The following SPOCK3 variants were observed in gnomAD, a reference collection of about 807,000 sequenced individuals.
SPOCK3 encodes the protein SPARC (osteonectin), cwcv and kazal like domains proteoglycan 3, also known as testican-3.
Under a neutral mutation model 56.6 loss-of-function variants are expected in SPOCK3, and 30 were observed. The observed-to-expected ratio is 0.53, with a 90% confidence interval of 0.40 to 0.72. The LOEUF is 0.72. Ranked by LOEUF, SPOCK3 falls within the 30% of genes least tolerant of loss-of-function variation. The pLI is 0.00. For synonymous variants in SPOCK3, 196 were observed against 183.3 expected (o/e 1.07, Z -0.56); for missense variants, 527 against 530.0 (o/e 0.99, Z 0.06).
chr4:166,811,316 CT>C (rs748601791), intron 6 of SPOCK3, among the ~76,000 whole-genome samples: 36 of 147,140 alleles, frequency 2.4e-4, no homozygotes, highest in Middle Eastern at 3.5e-3. Context: ...CTCTACTCTT[CT>C]TTTTTTTTTA....
chr4:166,887,234 C>A (rs1414825122), intron 6 of SPOCK3, among the ~76,000 whole-genome samples: 1 of 152,146 alleles, frequency 6.6e-6, no homozygotes. Context: ...ATTAATACTA[C>A]ATCAGCAATA....
intron 4 of SPOCK3, among the ~76,000 whole-genome samples, chr4:166,978,583 T>C (rs1433754286): frequency 6.6e-6 from 1 of 152,214 alleles, no homozygotes; most frequent in Non-Finnish European, 1.5e-5. Flanking sequence ...CACCATGTTC[T>C]GAGCTTGGAG....
intron 6 of SPOCK3, among the ~76,000 whole-genome samples, chr4:166,841,948 C>T (rs898302721): frequency 5.3e-5 from 8 of 152,154 alleles, no homozygotes; most frequent in Non-Finnish European, 1.2e-4. Flanking sequence ...TTCTGATGTT[C>T]GGACATGTTT....
intron 3 of SPOCK3, among the ~76,000 whole-genome samples, chr4:167,060,042 C>T (rs1007950678): frequency 1.3e-5 from 2 of 150,880 alleles, no homozygotes; most frequent in Admixed American, 6.6e-5. Context: ...AGGAGATATA[C>T]CTAATGCTAA....
chr4:166,847,537 G>T (rs1187660662), intron 6 of SPOCK3, among the ~76,000 whole-genome samples: 1 of 150,906 alleles, frequency 6.6e-6, no homozygotes, highest in East Asian at 1.9e-4. Context: ...CAGCACTGGA[G>T]ATTATGCTCA....
intron 10 of SPOCK3, among the ~76,000 whole-genome samples, chr4:166,736,761 T>C (rs898612364): frequency 6.6e-6 from 1 of 151,930 alleles, no homozygotes; most frequent in African/African-American, 2.4e-5. Flanking sequence ...TCATGAAAAC[T>C]GTCTATAATA....
chr4:166,889,148 T>A lies in SPOCK3; in HGVS notation c.571A>T (p.Ser191Cys). 1.2e-6 allele frequency: 2 copies of A among 1,607,084 alleles called. No homozygotes were observed. Among genetic ancestry groups the A allele is most frequent in the Non-Finnish European group, 1.7e-6 (2 of 1,174,182 alleles). Reference sequence around the variant, plus strand: ...CACTTACCTCTCTTAACATTTCTGCTTGTACTGGTGGGCTTATCTGAAGGA... The same window carrying A: ...CACTTACCTCTCTTAACATTTCTGCATGTACTGGTGGGCTTATCTGAAGGA... ...PCPSDKPTST[S>C]RNVKRACSDL... Residue 191 changes from serine to cysteine, a missense_variant, in exon 6 of 11, where the codon AGC (serine) becomes TGC (cysteine). By Grantham distance (112) the Ser-to-Cys change is moderately radical. Coordinates refer to ENST00000357545, the MANE Select transcript of SPOCK3 (RefSeq NM_001040159.2).
At chr4:166,973,002 T>C (rs1182580765) in intron 4 of SPOCK3, among the ~76,000 whole-genome samples, 2 of 152,274 alleles carry the variant, frequency 1.3e-5, no homozygotes, top group Admixed American at 6.5e-5. Context: ...CGGCTCTGTT[T>C]ACCCACCGAA....
intron 7 of SPOCK3, among the ~76,000 whole-genome samples, chr4:166,764,279 G>GCA (rs1234830172): frequency 3.3e-5 from 5 of 152,022 alleles, no homozygotes; most frequent in African/African-American, 1.2e-4. Flanking sequence ...CCATGTTGGT[G>GCA]TGCGGCACCC....
chr4:166,839,830 G>A (rs1036235222), intron 6 of SPOCK3, among the ~76,000 whole-genome samples: 1 of 152,060 alleles, frequency 6.6e-6, no homozygotes, highest in Non-Finnish European at 1.5e-5. Context: ...CCATCATCCT[G>A]TCACTCAGAC....
chr4:166,931,659 A>G (rs1739799766), intron 4 of SPOCK3, among the ~76,000 whole-genome samples: 1 of 152,052 alleles, frequency 6.6e-6, no homozygotes, highest in South Asian at 2.1e-4. Flanking sequence ...ATCTACCTCC[A>G]TTTCATTGTT....
At chr4:166,990,315 A>C (rs972864733) in intron 4 of SPOCK3, among the ~76,000 whole-genome samples, 2 of 152,184 alleles carry the variant, frequency 1.3e-5, no homozygotes, top group Non-Finnish European at 2.9e-5. Context: ...GCCCAACAGT[A>C]AAAATGTTCT....
intron 2 of SPOCK3, among the ~76,000 whole-genome samples, chr4:167,129,202 A>G (rs1762520317): frequency 6.6e-6 from 1 of 152,212 alleles, no homozygotes; most frequent in Admixed American, 6.5e-5. Context: ...CCCCAGATCT[A>G]CTGAATAAGT....
At chr4:166,941,290 C>T (rs769062493) in intron 4 of SPOCK3, among the ~76,000 whole-genome samples, 3 of 152,074 alleles carry the variant, frequency 2.0e-5, no homozygotes, top group African/African-American at 7.2e-5. Context: ...GATCCTTTTC[C>T]GTCATGATTT....
intron 7 of SPOCK3, among the ~76,000 whole-genome samples, chr4:166,776,527 C>T (rs964112780): frequency 2.0e-5 from 3 of 152,124 alleles, no homozygotes; most frequent in African/African-American, 7.2e-5. Context: ...ATTCAATTAA[C>T]TCCTCATCTT....
At chr4:166,798,963 C>T (rs1742257274) in intron 6 of SPOCK3, among the ~76,000 whole-genome samples, 4 of 152,100 alleles carry the variant, frequency 2.6e-5, no homozygotes, top group Admixed American at 2.6e-4. Context: ...ACTCCCTATT[C>T]TGGAAACAAA....
intron 7 of SPOCK3, among the ~76,000 whole-genome samples, chr4:166,771,475 G>A (rs1479810782): frequency 6.6e-6 from 1 of 152,074 alleles, no homozygotes; most frequent in African/African-American, 2.4e-5. Context: ...AAGCAAGGTA[G>A]TGGTAGAACA....
At chr4:166,745,969 G>A (rs368437209) in intron 8 of SPOCK3, among the ~76,000 whole-genome samples, 1 of 152,146 alleles carries the variant, frequency 6.6e-6, no homozygotes, top group Non-Finnish European at 1.5e-5. Flanking sequence ...CAATACAGGA[G>A]CACCCAGATT....
intron 5 of SPOCK3, among the ~76,000 whole-genome samples, chr4:166,899,174 G>A (rs56851639): frequency 0.72 from 108,466 of 150,928 alleles, 39,259 homozygotes; most frequent in South Asian, 0.79. Context: ...TCCTGCTTGT[G>A]GACAACAGAT....
Sources: allele counts gnomAD v4.1 joint callset (sites outside exome capture counted in the v4.1 genomes callset), GRCh38; gene constraint gnomAD v4.1.1; transcripts MANE v1.5; gene names NCBI Gene and HGNC (gene_info 2026-07-23, HGNC 2026-07-21).